ABLIM1: variants seen among roughly 807,000 people sequenced by gnomAD.
ABLIM1 encodes the protein actin-binding LIM protein 1.
Under a neutral mutation model 107.0 loss-of-function variants are expected in ABLIM1, and 40 were observed. The ratio of observed to expected loss-of-function variants is 0.37; its 90% CI spans 0.29 to 0.49. The LOEUF (loss-of-function observed/expected upper bound fraction) is 0.49. Ranked by LOEUF, ABLIM1 falls within the 20% of genes least tolerant of loss-of-function variation. ABLIM1 has a pLI of 0.97. For missense variants in ABLIM1, 857 were observed against 1,008.5 expected (o/e 0.85, Z 2.04); for synonymous variants, 357 against 357.3 (o/e 1.00, Z 0.01).
At chr10:114,755,819 A>G (rs994372508) in intron 1 of ABLIM1, among the ~76,000 whole-genome samples, 2 of 152,262 alleles carry the variant, frequency 1.3e-5, no homozygotes, top group Non-Finnish European at 2.9e-5. Context: ...GAGAATCACA[A>G]GCCAGAATGC....
chr10:114,439,074 C>T, intron 21 of ABLIM1, 102 bp downstream of exon 21: 1 of 1,419,044 alleles, frequency 7.0e-7, no homozygotes, highest in Non-Finnish European at 9.9e-7. Context: ...CACCTGAACA[C>T]ACCAGCCTAC....
chr10:114,474,021 C>T, intron 8 of ABLIM1, 65 bp from the exon 9 acceptor site: 1 of 1,263,752 alleles, frequency 7.9e-7, no homozygotes, highest in Non-Finnish European at 1.1e-6. Flanking sequence ...CTGTCCTGGG[C>T]CCTTAAGCTT....
chr10:114,582,593 T>C (rs1429774974), intron 2 of ABLIM1, among the ~76,000 whole-genome samples: 2 of 152,106 alleles, frequency 1.3e-5, no homozygotes, highest in Non-Finnish European at 2.9e-5. Flanking sequence ...CGGCATCACA[T>C]TATCTGACTT....
At chr10:114,652,025 C>T (rs2079271788) in intron 1 of ABLIM1, among the ~76,000 whole-genome samples, 1 of 152,218 alleles carries the variant, frequency 6.6e-6, no homozygotes. Context: ...GAACCACATG[C>T]TGGTCCTTCT....
chr10:114,511,246 G>A (rs867148263), intron 6 of ABLIM1, among the ~76,000 whole-genome samples: 22 of 151,964 alleles, frequency 1.4e-4, no homozygotes, highest in African/African-American at 5.3e-4. Context: ...AAATTCTAAC[G>A]TCACAGAACA....
intron 6 of ABLIM1, among the ~76,000 whole-genome samples, chr10:114,532,144 C>T (rs968503171): frequency 6.6e-5 from 10 of 152,158 alleles, no homozygotes; most frequent in Non-Finnish European, 4.4e-5. Flanking sequence ...AACCACTCTT[C>T]TCTCCCTTCC....
At chr10:114,710,750 C>T (rs946955433) in intron 1 of ABLIM1, among the ~76,000 whole-genome samples, 1 of 152,150 alleles carries the variant, frequency 6.6e-6, no homozygotes, top group African/African-American at 2.4e-5. Context: ...CACTGCACTC[C>T]AGCCTGGGCG....
rs757429664 is a variant in ABLIM1, at chr10:114,658,090, C to A, written c.111G>T (p.Leu37=). Reference sequence around the variant, plus strand: ...CAGAGACCCTCCGGTCCTCAACAATCAGTCTCTTTCTGTTCGAGCCCCTGG... The same window carrying A: ...CAGAGACCCTCCGGTCCTCAACAATAAGTCTCTTTCTGTTCGAGCCCCTGG... ...TSARGSNRKR[L]IVEDRRVSGT... Residue 37 remains leucine (L), a synonymous_variant, in exon 1 of 23, where the codon CTG becomes CTT. Coordinates refer to ENST00000533213, the MANE Select transcript of ABLIM1 (RefSeq NM_002313.7). 1.2e-6 allele frequency: 2 copies of A among 1,614,226 alleles called. No homozygotes were observed. The highest frequency in any genetic ancestry group is 4.5e-5 in the East Asian group (2 of 44,890).
In ABLIM1 at chr10:114,668,492, C is replaced by T. The variant is rs1387890811; in HGVS notation, c.64+15798G>A. On this transcript the variant is annotated intron_variant, in intron 1 of 23. Coordinates refer to the ABLIM1 transcript ENST00000369256. Reference sequence around the variant, plus strand: ...CTTGATAAGGGGGAAATCAATCTTTCTTTCTTTCGTTTATTTATTTAGTTT... The same window carrying T: ...CTTGATAAGGGGGAAATCAATCTTTTTTTCTTTCGTTTATTTATTTAGTTT... 2.0e-5 allele frequency among the ~76,000 whole-genome samples: 3 copies of T among 152,058 alleles called. No homozygotes were observed. In the East Asian group the frequency reaches 5.8e-4, roughly 29 times the overall value.
chr10:114,600,024 T>C (rs2075825688), intron 2 of ABLIM1, among the ~76,000 whole-genome samples: 1 of 152,170 alleles, frequency 6.6e-6, no homozygotes, highest in African/African-American at 2.4e-5. Flanking sequence ...TTGGGTTCTA[T>C]ATTAATATAC....
In ABLIM1 at chr10:114,491,788, C is replaced by T. The variant is rs376141460; in HGVS notation, c.982+3G>A. ...ACTTCTAGTGTTCTTGAGTCCACCT[C>T]ACCTTGAAGATACATTTCCTCTCCT... On this transcript the variant is annotated splice_donor_region_variant and intron_variant, in intron 7 of 22. Coordinates refer to ENST00000533213, the MANE Select transcript of ABLIM1 (RefSeq NM_002313.7). 4.4e-6 allele frequency: 7 copies of T among 1,607,620 alleles called. No individual in the cohort carries two copies. The highest frequency in any genetic ancestry group is 1.7e-5 in the Admixed American group (1 of 59,946).
chr10:114,553,536 A>T (rs2068345142), intron 4 of ABLIM1, among the ~76,000 whole-genome samples: 1 of 152,218 alleles, frequency 6.6e-6, no homozygotes. Context: ...GAAAACAGAG[A>T]GCTGAGAGTC....
chr10:114,711,248 A>C (rs2081542093), intron 1 of ABLIM1, among the ~76,000 whole-genome samples: 1 of 152,018 alleles, frequency 6.6e-6, no homozygotes, highest in Admixed American at 6.6e-5. Flanking sequence ...GGTTTGCATC[A>C]TTTTCTTTTG....
intron 1 of ABLIM1, among the ~76,000 whole-genome samples, chr10:114,756,067 TGTGA>T (rs1239423780): frequency 1.2e-4 from 15 of 120,456 alleles, no homozygotes; most frequent in Middle Eastern, 4.2e-3. Context: ...CCATAGGAAT[TGTGA>T]GTGTGTTTGT....
At chr10:114,510,639 T>TTTTAC (rs1304075378) in intron 6 of ABLIM1, among the ~76,000 whole-genome samples, 4 of 128,736 alleles carry the variant, frequency 3.1e-5, no homozygotes, top group Non-Finnish European at 6.3e-5. Flanking sequence ...GGGATTTTAT[T>TTTTAC]TTTATTTTAT....
chr10:114,569,232 C>A (rs1322322425), intron 4 of ABLIM1, among the ~76,000 whole-genome samples: 1 of 152,160 alleles, frequency 6.6e-6, no homozygotes, highest in Non-Finnish European at 1.5e-5. Context: ...CAGCCATTCC[C>A]ATGATGGGCC....
intron 6 of ABLIM1, among the ~76,000 whole-genome samples, chr10:114,511,166 T>C (rs538436195): frequency 4.5e-4 from 69 of 152,160 alleles, no homozygotes; most frequent in Non-Finnish European, 8.1e-4. Context: ...AATGAAATGT[T>C]AAATTCTTGT....
chr10:114,499,363 T>A (rs982491553), intron 6 of ABLIM1, among the ~76,000 whole-genome samples: 14 of 152,234 alleles, frequency 9.2e-5, no homozygotes, highest in African/African-American at 3.4e-4. Flanking sequence ...TCTTGTTTTA[T>A]CTTAAAAGAT....
intron 1 of ABLIM1, among the ~76,000 whole-genome samples, chr10:114,634,130 T>C (rs867722732): frequency 5.5e-5 from 2 of 36,514 alleles, no homozygotes; most frequent in African/African-American, 2.9e-4. Context: ...TCAATTTTTC[T>C]TTTTTTTTTT....
Sources: allele counts gnomAD v4.1 joint callset (sites outside exome capture counted in the v4.1 genomes callset), GRCh38; gene constraint gnomAD v4.1.1; transcripts MANE v1.5; gene names NCBI Gene and HGNC (gene_info 2026-07-23, HGNC 2026-07-21).